Variants in NUP93 observed in about 807,000 individuals in gnomAD.
NUP93 encodes the protein nucleoporin 93, also known as nuclear pore complex protein Nup93.
Under a neutral mutation model 107.8 loss-of-function variants are expected in NUP93, and 55 were observed. The observed-to-expected ratio is 0.51, with a 90% confidence interval of 0.41 to 0.64. The LOEUF is 0.64. Among genes scored for constraint, NUP93 ranks in the 30% least tolerant of loss-of-function variants. The pLI is 0.00. For missense variants in NUP93, 937 were observed against 1,044.7 expected (o/e 0.90, Z 1.42); for synonymous variants, 390 against 397.5 (o/e 0.98, Z 0.22).
intron 2 of NUP93, among the ~76,000 whole-genome samples, chr16:56,749,699 T>C (rs1256228670): frequency 6.6e-6 from 1 of 152,224 alleles, no homozygotes; most frequent in African/African-American, 2.4e-5. Flanking sequence ...CTGAATGTTT[T>C]GGCTGCTCTG....
chr16:56,751,253 A>AT (rs1961913895), intron 2 of NUP93, among the ~76,000 whole-genome samples: 1 of 152,014 alleles, frequency 6.6e-6, no homozygotes, highest in South Asian at 2.1e-4. Flanking sequence ...TAATTTGCTT[A>AT]TTTTTTCACA....
intron 5 of NUP93, among the ~76,000 whole-genome samples, chr16:56,812,856 G>T (rs1003527965): frequency 6.6e-6 from 1 of 152,164 alleles, no homozygotes; most frequent in African/African-American, 2.4e-5. Context: ...TCCTCACGTC[G>T]CAGTTTTTGC....
chr16:56,741,403 A>G (rs1961737456), intron 1 of NUP93, among the ~76,000 whole-genome samples: 1 of 152,204 alleles, frequency 6.6e-6, no homozygotes, highest in Non-Finnish European at 1.5e-5. Context: ...GGAAATTGAG[A>G]CAGAGAAATT....
intron 3 of NUP93, among the ~76,000 whole-genome samples, chr16:56,780,857 A>G (rs187008287): frequency 6.6e-6 from 1 of 152,280 alleles, no homozygotes; most frequent in African/African-American, 2.4e-5. Flanking sequence ...TTCCTTTTGC[A>G]GTCTGCACCA....
chr16:56,740,340 C>G (rs1467791501), intron 1 of NUP93, among the ~76,000 whole-genome samples: 2 of 150,424 alleles, frequency 1.3e-5, no homozygotes, highest in Admixed American at 1.3e-4. Flanking sequence ...CTCCTCACCT[C>G]CCAGACGGGG....
At chr16:56,843,600 C>G (rs1964067816) in intron 21 of NUP93, among the ~76,000 whole-genome samples, 1 of 152,162 alleles carries the variant, frequency 6.6e-6, no homozygotes, top group African/African-American at 2.4e-5. Flanking sequence ...TTGAACATCC[C>G]TAGAGCTCAT....
chr16:56,792,478 G>A (rs899483649), intron 3 of NUP93, among the ~76,000 whole-genome samples: 2 of 152,326 alleles, frequency 1.3e-5, no homozygotes, highest in African/African-American at 2.4e-5. Context: ...TATGAACTGG[G>A]TCATCTGGAC....
chr16:56,823,931 G>A (rs2144615015), intron 8 of NUP93, 85 bp downstream of exon 8: 2 of 1,503,920 alleles, frequency 1.3e-6, no homozygotes, highest in Non-Finnish European at 1.8e-6. Flanking sequence ...CCTCAGGCTA[G>A]GTGTGCTGTA....
chr16:56,793,929 T>G (rs1314604476), intron 3 of NUP93, among the ~76,000 whole-genome samples: 1 of 152,028 alleles, frequency 6.6e-6, no homozygotes, highest in Non-Finnish European at 1.5e-5. Context: ...GGCGTGTGCC[T>G]GTAGTCCCAG....
chr16:56,822,393 TC>T (rs1963563105), intron 7 of NUP93, among the ~76,000 whole-genome samples: 1 of 150,704 alleles, frequency 6.6e-6, no homozygotes, highest in Admixed American at 6.6e-5. Context: ...GCACCTGTAG[TC>T]CCAGCTACTC....
At position 56,823,782 on chromosome 16, in the gene NUP93, A is replaced by G. The variant is rs1229649566; in HGVS notation, c.730A>G (p.Asn244Asp). 2 of 1,614,222 alleles carry G rather than the reference A, an allele frequency of 1.2e-6. No individual in the cohort carries two copies. Among genetic ancestry groups the G allele is most frequent in the East Asian group, 4.5e-5 (2 of 44,888 alleles). The part of the protein sequence containing the change: ...LLTPATDALK[N>D]RSSVEVRMEF... ...GACACCGGCAACGGATGCCCTGAAG[A>G]ACCGCAGCAGCGTGGAAGTGCGCAT... Residue 244 changes from asparagine to aspartate, a missense_variant, in exon 8 of 22, where the codon AAC becomes GAC. By Grantham distance (23) the Asn-to-Asp change is conservative. Transcript: ENST00000308159.
At chr16:56,821,692 A>T (rs1963547731) in intron 7 of NUP93, 99 bp downstream of exon 7, 1 of 689,390 alleles carries the variant, frequency 1.5e-6, no homozygotes, top group South Asian at 1.8e-5. Context: ...GAGACACGCC[A>T]TTCTGTGGAA....
chr16:56,738,762 G>A (rs2144435166), intron 1 of NUP93, among the ~76,000 whole-genome samples: 1 of 152,230 alleles, frequency 6.6e-6, no homozygotes, highest in Middle Eastern at 3.4e-3. Flanking sequence ...CAAAAGAGAG[G>A]AGAACAGAAT....
At chr16:56,838,402 A>T (rs1963955454) in intron 18 of NUP93, among the ~76,000 whole-genome samples, 1 of 152,204 alleles carries the variant, frequency 6.6e-6, no homozygotes, top group Admixed American at 6.5e-5. Flanking sequence ...TGCTGAGATG[A>T]TGATCAAGGC....
At position 56,850,071 on chromosome 16, in the gene NUP93, T is replaced by C. The variant is rs143317243; in HGVS notation, c.*5462T>C. 1 of 152,370 alleles carries C rather than the reference T, an allele frequency of 6.6e-6. No individual in the cohort carries two copies. The highest frequency in any genetic ancestry group is 1.9e-4 in the East Asian group (1 of 5,178). The allele number at this position is 152,370 out of a possible 1,614,324, so 9.4% of individuals were successfully genotyped here. A position where few individuals can be genotyped will look rare whatever the true frequency, so the allele number is the denominator to read the frequency against. On this transcript the variant is annotated 3_prime_UTR_variant, in exon 22 of 22. Coordinates refer to ENST00000308159, the MANE Select transcript of NUP93 (RefSeq NM_014669.5). ...AGAAACTCAGTGGGGGAGAATTCTTTGCGTTTTTCAGTTGACTGATTATTT... is the reference window on the plus strand; with the variant it reads ...AGAAACTCAGTGGGGGAGAATTCTTCGCGTTTTTCAGTTGACTGATTATTT...
rs769678822 is a variant in NUP93 at position 56,837,761 on chromosome 16, G to T, written c.2018+35G>T. 2 of 1,550,114 alleles carry T rather than the reference G, an allele frequency of 1.3e-6. 1 individual carries two copies. The highest frequency in any genetic ancestry group is 2.3e-5 in the South Asian group (2 of 88,844). On this transcript the variant is annotated intron_variant, in intron 18 of 21. Coordinates refer to ENST00000308159, the MANE Select transcript of NUP93 (RefSeq NM_014669.5). ...GAGCTGGCTCCATGGGACCCTGAGG[G>T]TGCCACTGCCAGTGCCAGGCCACCT...
rs1236498837 is a variant in NUP93 at position 56,819,782 on chromosome 16, T to A, written c.564+1044T>A. 2.6e-5 allele frequency among the ~76,000 whole-genome samples: 4 copies of A among 152,208 alleles called. No individual in the cohort carries two copies. In the South Asian group the frequency reaches 8.3e-4, roughly 32 times the overall value. On this transcript the variant is annotated intron_variant, in intron 6 of 21. Coordinates refer to ENST00000308159, the MANE Select transcript of NUP93 (RefSeq NM_014669.5). Reference sequence around the variant, plus strand: ...ATTATCAGAAGTCCCTCTTTTACCCTTTGTTGAGAGAAATTTTCTAAATGT... The same window carrying A: ...ATTATCAGAAGTCCCTCTTTTACCCATTGTTGAGAGAAATTTTCTAAATGT...
intron 3 of NUP93, among the ~76,000 whole-genome samples, chr16:56,762,758 C>G (rs569764183): frequency 1.1e-3 from 165 of 152,256 alleles, no homozygotes; most frequent in South Asian, 5.2e-3. Flanking sequence ...AAGGTATTGG[C>G]AGCACCACAC....
rs560099569 is a variant in NUP93 at position 56,759,175 on chromosome 16, C to T, written c.297+520C>T. On this transcript the variant is annotated intron_variant, in intron 3 of 21. Transcript: ENST00000308159. ...ATAGAGCACTCCAGTCTCATTTAAC[C>T]AAACATGCCACAAGCAATTGATAGC... Among the ~76,000 whole-genome samples the T allele has an allele frequency of 7.2e-5, 11 of 152,278 alleles. No homozygotes were observed. The South Asian group carries it at 2.1e-3, about 29-fold the overall frequency.
Sources: gnomAD v4.1 joint callset for allele counts (sites outside exome capture counted in the v4.1 genomes callset) on GRCh38, gnomAD v4.1.1 for gene constraint, MANE v1.5 for transcripts, NCBI Gene and HGNC (gene_info 2026-07-23, HGNC 2026-07-21) for gene names.